Variants in BCAT2 observed in about 807,000 individuals in gnomAD.
BCAT2 encodes branched chain amino acid transaminase 2.
Under a neutral mutation model 52.9 loss-of-function variants are expected in BCAT2, and 44 were observed. The observed-to-expected ratio is 0.83, with a 90% confidence interval of 0.65 to 1.07. The LOEUF is 1.07. Among genes scored for constraint, BCAT2 ranks in the 50% least tolerant of loss-of-function variants. The pLI is 0.00. For missense variants in BCAT2, 478 were observed against 521.8 expected (o/e 0.92, Z 0.82); for synonymous variants, 215 against 217.1 (o/e 0.99, Z 0.08).
intron 4 of BCAT2, 40 bp downstream of exon 4, chr19:48,800,147 C>A: frequency 1.2e-6 from 2 of 1,612,692 alleles, no homozygotes; most frequent in South Asian, 2.2e-5. Flanking sequence ...TGCCCCGGCC[C>A]CAGCCCTCCT....
chr19:48,796,050 C>G, intron 10 of BCAT2: 1 of 414,432 alleles, frequency 2.4e-6, no homozygotes, highest in African/African-American at 2.0e-5. Flanking sequence ...TTTCTCCCAC[C>G]AGGGCACCCG....
At position 48,799,730 on chromosome 19, in the gene BCAT2, C is replaced by A. The variant is rs1200055875; in HGVS notation, c.640G>T (p.Asp214Tyr). ...GSVTPVSLLA[D>Y]PAFIRAWVGG... ...ACCCAGGCCCGGATGAAGGCTGGGT[C>A]GGCCAGGAGGGAGACCGGGGTCACG... Residue 214 changes from aspartate (D) to tyrosine (Y), a missense_variant, in exon 6 of 11, where the codon GAC becomes TAC. Physicochemically the swap from Asp to Tyr is radical, Grantham distance 160. Coordinates refer to ENST00000316273, the MANE Select transcript of BCAT2 (RefSeq NM_001190.4). This position sits in a 1 kb window ranked among gnomAD's most constrained non-coding sequence, Gnocchi z 5.5. 3 of 1,594,858 alleles carry A rather than the reference C, an allele frequency of 1.9e-6. No homozygotes were observed. Among genetic ancestry groups the A allele is most frequent in the Non-Finnish European group, 2.6e-6 (3 of 1,172,110 alleles).
chr19:48,807,127 T>C lies in BCAT2; in HGVS notation c.25-53A>G. 9 of 1,489,724 alleles carry C rather than the reference T, an allele frequency of 6.0e-6. No homozygotes were observed. The highest frequency in any genetic ancestry group is 7.4e-6 in the Non-Finnish European group (8 of 1,084,976). The allele number at this position is 1,489,724 out of a possible 1,614,324, so 92.3% of individuals were successfully genotyped here. The stretch of plus-strand genomic sequence containing the variant: ...GGTGAGTGGGGCACAGCAGGGGCCC[T>C]GGCAGCTCGCTCGCCACCTCCTGCA... On this transcript the variant is annotated intron_variant, in intron 1 of 10. Transcript: ENST00000316273. The surrounding 1 kb of genome is among the most constrained non-coding windows in gnomAD (Gnocchi z 4.6).
Position 48,810,989 on chromosome 19 carries a change from C to A in BCAT2, c.19G>T (p.Gly7Trp), listed in dbSNP as rs1417384760. The change falls in exon 1 of 11, where the codon GGG (glycine) becomes TGG (tryptophan). Residue 7 changes from glycine to tryptophan, a missense_variant. Transcript: ENST00000316273. MAAAAL[G>W]QIWARKLLSV... is the part of the protein sequence containing the mutation. ...GCGCGGGGCTGCGAACCCACCTGCCCCAGAGCGGCTGCGGCCATGATCCGT... is the reference window on the plus strand; with the variant it reads ...GCGCGGGGCTGCGAACCCACCTGCCACAGAGCGGCTGCGGCCATGATCCGT... 3.7e-6 allele frequency: 6 copies of A among 1,608,508 alleles called. No individual in the cohort carries two copies. Among genetic ancestry groups the A allele is most frequent in the Non-Finnish European group, 5.1e-6 (6 of 1,178,250 alleles).
intron 1 of BCAT2, chr19:48,810,687 C>T: frequency 1.0e-6 from 1 of 968,638 alleles, no homozygotes; most frequent in Non-Finnish European, 1.4e-6. Context: ...AAATCACAAC[C>T]TCCCCACCCC....
chr19:48,804,365 G>A (rs562466823), intron 3 of BCAT2, among the ~76,000 whole-genome samples: 1 of 151,998 alleles, frequency 6.6e-6, no homozygotes, highest in African/African-American at 2.4e-5. Context: ...CCAACATGGT[G>A]AAACCCTGGC....
intron 3 of BCAT2, among the ~76,000 whole-genome samples, chr19:48,802,613 A>G (rs1166555866): frequency 1.3e-5 from 2 of 151,426 alleles, no homozygotes; most frequent in African/African-American, 2.4e-5. Context: ...ACACCCAGCT[A>G]ATTTTTGTAT....
chr19:48,807,738 C>A lies in BCAT2; in HGVS notation c.25-664G>T. ...TGCTTATTCTCTGAAGGTATTCGAT[C>A]AACTGGGCTCTGATTACCTGAAATA... On this transcript the variant is annotated intron_variant, in intron 1 of 10. Transcript: ENST00000316273. This position sits in a 1 kb window ranked among gnomAD's most constrained non-coding sequence, Gnocchi z 4.6. 1.0e-6 allele frequency: 1 copy of A among 986,378 alleles called. No homozygotes were observed. Among genetic ancestry groups the A allele is most frequent in the South Asian group, 4.6e-5 (1 of 21,928 alleles). 61.1% of individuals were successfully genotyped at this position (986,378 alleles called of 1,614,324 possible). A position where few individuals can be genotyped will look rare whatever the true frequency, so the allele number is the denominator to read the frequency against.
At position 48,807,064 on chromosome 19, in the gene BCAT2, C is replaced by T. The variant is rs770336574; in HGVS notation, c.35G>A (p.Arg12Gln). ...AAGCCAAGGGACAGAGAGAAGCTTT[C>T]GTGCCCAGATCTGGGTGGAGAAAGA... ...AAAALGQIWA[R>Q]KLLSVPWLLC... The change falls in exon 2 of 11, where the codon CGA becomes CAA. Residue 12 changes from arginine to glutamine, a missense_variant. Arg to Gln is a conservative substitution (Grantham distance 43). Transcript: ENST00000316273. This position sits in a 1 kb window ranked among gnomAD's most constrained non-coding sequence, Gnocchi z 4.6. The T allele has an allele frequency of 1.7e-5, 27 of 1,613,670 alleles. No homozygotes were observed. The Admixed American group carries it at 2.8e-4, about 17-fold the overall frequency.
chr19:48,800,472 G>C (rs577422663), intron 3 of BCAT2, among the ~76,000 whole-genome samples, 175 bp from the exon 4 acceptor site: 16 of 152,122 alleles, frequency 1.1e-4, no homozygotes, highest in Non-Finnish European at 2.2e-4. Flanking sequence ...AAGAGAGACA[G>C]ATATAGACAG....
chr19:48,797,240 G>A lies in BCAT2; in HGVS notation c.789C>T (p.Thr263=), dbSNP rs775964383. 5 of 1,613,734 alleles carry A rather than the reference G, an allele frequency of 3.1e-6. No individual in the cohort carries two copies. In the Admixed American group the frequency reaches 5.0e-5, roughly 16 times the overall value. ...CAAAGATGTTCATGGTTCCCACCTCGGTGAGCTGGTGGTCGGGCCCATACA... is the reference window on the plus strand; with the variant it reads ...CAAAGATGTTCATGGTTCCCACCTCAGTGAGCTGGTGGTCGGGCCCATACA... ...LWLYGPDHQL[T]EVGTMNIFVY... Residue 263 remains threonine, a synonymous_variant, in exon 7 of 11, where the codon ACC becomes ACT. Transcript: ENST00000316273.
At position 48,795,246 on chromosome 19, in the gene BCAT2, T is replaced by C. The variant is rs963575623; in HGVS notation, c.*180A>G. On this transcript the variant is annotated 3_prime_UTR_variant, in exon 11 of 11. Coordinates refer to ENST00000316273, the MANE Select transcript of BCAT2 (RefSeq NM_001190.4). ...CGCGACGAGGGGCTGGGGGCCAAGA[T>C]GCCTGGGTCGGCCCTTACGGCTTTG... 5 of 723,516 alleles carry C rather than the reference T, an allele frequency of 6.9e-6. No individual in the cohort carries two copies. Among genetic ancestry groups the C allele is most frequent in the South Asian group, 3.4e-5 (2 of 58,078 alleles). 44.8% of individuals were successfully genotyped at this position (723,516 alleles called of 1,614,324 possible). A position where few individuals can be genotyped will look rare whatever the true frequency, so the allele number is the denominator to read the frequency against.
At position 48,798,863 on chromosome 19, in the gene BCAT2, C is replaced by T. The variant is rs1019306959; in HGVS notation, c.695+812G>A. The T allele has an allele frequency of 3.3e-5, 5 of 149,826 alleles. No individual in the cohort carries two copies. In the South Asian group the frequency reaches 6.3e-4, roughly 19 times the overall value. The allele number at this position is 149,826 out of a possible 1,614,324, so 9.3% of individuals were successfully genotyped here. On this transcript the variant is annotated intron_variant, in intron 6 of 10. Transcript: ENST00000316273. ...GTGTTAATCAGGATGGTCTCGATCT[C>T]CTGACCTCGTGATCTGCCCGCCTCA...
In BCAT2 at chr19:48,797,033, T is replaced by C; in HGVS notation, c.839-11A>G. ...TCACCAGCTCCAGCACTAGGGCAGG[T>C]GTAAGGGGTGGAAGATGTTACCTCT... is the stretch of plus-strand genomic sequence containing the variant. On this transcript the variant is annotated splice_polypyrimidine_tract_variant and intron_variant, in intron 7 of 10. Coordinates refer to ENST00000316273, the MANE Select transcript of BCAT2 (RefSeq NM_001190.4). The C allele has an allele frequency of 6.2e-7, 1 of 1,613,994 alleles. No homozygotes were observed. Among genetic ancestry groups the C allele is most frequent in the Non-Finnish European group, 8.5e-7 (1 of 1,179,900 alleles).
At chr19:48,809,936 A>G (rs1470796211) in intron 1 of BCAT2, among the ~76,000 whole-genome samples, 1 of 151,908 alleles carries the variant, frequency 6.6e-6, no homozygotes, top group Non-Finnish European at 1.5e-5. Context: ...AATTATCTCC[A>G]TTACAGGATA....
At chr19:48,798,961 G>A (rs2034595220) in intron 6 of BCAT2, 1 of 152,340 alleles carries the variant, frequency 6.6e-6, no homozygotes, top group African/African-American at 2.4e-5. Flanking sequence ...ACAATGCCCT[G>A]GGTCACCTCA....
intron 3 of BCAT2, among the ~76,000 whole-genome samples, chr19:48,802,850 A>T (rs1488208658): frequency 6.6e-6 from 1 of 152,208 alleles, no homozygotes; most frequent in Admixed American, 6.5e-5. Flanking sequence ...AGGATGATAC[A>T]GCATGAGGCT....
intron 10 of BCAT2, among the ~76,000 whole-genome samples, chr19:48,795,682 A>G (rs2034494301): frequency 5.3e-5 from 8 of 152,130 alleles, no homozygotes; most frequent in Non-Finnish European, 8.8e-5. Flanking sequence ...GACAGGAATT[A>G]TGGCCAGGCC....
chr19:48,800,508 G>C (rs2034635658), intron 3 of BCAT2, among the ~76,000 whole-genome samples: 1 of 152,164 alleles, frequency 6.6e-6, no homozygotes, highest in South Asian at 2.1e-4. Context: ...GAGACACACG[G>C]AGACTCTAGA....
Sources: allele counts gnomAD v4.1 joint callset (sites outside exome capture counted in the v4.1 genomes callset), GRCh38; gene constraint gnomAD v4.1.1; non-coding constraint Gnocchi (gnomAD v3.1); transcripts MANE v1.5; gene names NCBI Gene and HGNC (gene_info 2026-07-23, HGNC 2026-07-21).